SYNJ1: variants seen among roughly 807,000 people sequenced by gnomAD.
SYNJ1 encodes the protein synaptojanin 1, also known as polyphosphatidylinositol phosphatase SYNJ1.
SYNJ1 carries 78 observed loss-of-function variants against 168.2 expected under a neutral mutation model. That is an observed-to-expected ratio of 0.46 (90% CI 0.39 to 0.56). SYNJ1 has a LOEUF of 0.56. Among genes scored for constraint, SYNJ1 ranks in the 20% least tolerant of loss-of-function variants. The pLI is 0.00. For missense variants in SYNJ1, 1,303 were observed against 1,597.6 expected (o/e 0.82, Z 3.14); for synonymous variants, 539 against 548.6 (o/e 0.98, Z 0.24).
intron 29 of SYNJ1, 81 bp from the exon 30 acceptor site, chr21:32,639,860 C>G: frequency 8.4e-7 from 1 of 1,195,882 alleles, no homozygotes; most frequent in South Asian, 1.3e-5. Context: ...GCTTTTGCAT[C>G]TCATTTACTT....
At chr21:32,684,239 A>G (rs1254600550) in intron 9 of SYNJ1, 120 bp from the exon 10 acceptor site, 3 of 856,568 alleles carry the variant, frequency 3.5e-6, no homozygotes, top group Non-Finnish European at 5.5e-6. Flanking sequence ...TTATTATTAC[A>G]GTATTCAAAT....
chr21:32,662,053 G>A (rs1423661579), intron 18 of SYNJ1, among the ~76,000 whole-genome samples: 3 of 152,134 alleles, frequency 2.0e-5, no homozygotes, highest in Non-Finnish European at 2.9e-5. Flanking sequence ...CCACCCCCAC[G>A]GCTGTAAAGG....
In SYNJ1 at chr21:32,706,213, C is replaced by G. The variant is rs372065505; in HGVS notation, c.125-4166G>C. The stretch of plus-strand genomic sequence containing the variant: ...TTTTAAGGCCACAAATGTCACAGAT[C>G]GAGAAATTTTTCCATTTAAGGAGAC... On this transcript the variant is annotated intron_variant, in intron 2 of 32. Transcript: ENST00000674351. Among the ~76,000 whole-genome samples the G allele has an allele frequency of 3.8e-4, 58 of 152,124 alleles. No individual in the cohort carries two copies. In the East Asian group the frequency reaches 7.9e-3, roughly 21 times the overall value.
Position 32,687,087 on chromosome 21 carries a change from G to T in SYNJ1, c.852-13C>A. 1 of 1,371,286 alleles carries T rather than the reference G, an allele frequency of 7.3e-7. No individual in the cohort carries two copies. Among genetic ancestry groups the T allele is most frequent in the East Asian group, 2.7e-5 (1 of 37,432 alleles). The allele number at this position is 1,371,286 out of a possible 1,614,324, so 84.9% of individuals were successfully genotyped here. ...TGTTCTAAAATGCCTATTTAAGAAA[G>T]AAAGGAAATAAATACATGTCAAATA... On this transcript the variant is annotated splice_polypyrimidine_tract_variant and intron_variant, in intron 7 of 32. Coordinates refer to ENST00000674351, the MANE Select transcript of SYNJ1 (RefSeq NM_203446.3).
At chr21:32,634,608 T>A (rs2039480728) in intron 32 of SYNJ1, among the ~76,000 whole-genome samples, 1 of 152,166 alleles carries the variant, frequency 6.6e-6, no homozygotes. Context: ...AAGTTACACT[T>A]TTTAGTTTTG....
intron 31 of SYNJ1, among the ~76,000 whole-genome samples, chr21:32,636,889 T>C (rs2039591703): frequency 6.6e-6 from 1 of 152,104 alleles, no homozygotes; most frequent in African/African-American, 2.4e-5. Flanking sequence ...GAAACAAATA[T>C]CTTTGTCTTT....
At chr21:32,698,927 T>C (rs1198637583) in intron 4 of SYNJ1, among the ~76,000 whole-genome samples, 19 of 152,338 alleles carry the variant, frequency 1.2e-4, no homozygotes, top group South Asian at 6.2e-4. Context: ...CACAGTTTTG[T>C]TACAATTAAA....
At chr21:32,663,561 A>G (rs910041451) in intron 18 of SYNJ1, among the ~76,000 whole-genome samples, 3 of 152,172 alleles carry the variant, frequency 2.0e-5, no homozygotes, top group African/African-American at 4.8e-5. Flanking sequence ...CTTTCTTCCT[A>G]CTGCCCATAA....
Position 32,631,207 on chromosome 21 carries a change from G to T in SYNJ1, c.*598C>A, listed in dbSNP as rs770865984. On this transcript the variant is annotated 3_prime_UTR_variant, in exon 33 of 33. Coordinates refer to ENST00000674351, the MANE Select transcript of SYNJ1 (RefSeq NM_203446.3). ...GAAAATGAACTTGGCTGATTACCCA[G>T]TAAGTCTGAACAAGCTGACTTTGAC... 9.0e-5 allele frequency: 146 copies of T among 1,614,072 alleles called. No individual in the cohort carries two copies. Among genetic ancestry groups the T allele is most frequent in the Non-Finnish European group, 1.2e-4 (140 of 1,180,040 alleles).
At position 32,644,973 on chromosome 21, in the gene SYNJ1, A is replaced by G. The variant is rs2039997339; in HGVS notation, c.3425T>C (p.Phe1142Ser). The G allele has an allele frequency of 6.2e-7, 1 of 1,607,664 alleles. No individual in the cohort carries two copies. The highest frequency in any genetic ancestry group is 2.3e-5 in the East Asian group (1 of 44,432). ...ARSPAPTRKE[F>S]GGIGAPPSPG... The stretch of plus-strand genomic sequence containing the variant: ...TAACAAATGTAAATGGTTACCTCCA[A>G]ATTCCTTTCTAGTGGGTGCAGGACT... The change falls in exon 26 of 33, where the codon TTT (phenylalanine) becomes TCT (serine). Residue 1142 changes from phenylalanine (F) to serine (S), a missense_variant. Physicochemically the swap from Phe to Ser is radical, Grantham distance 155 (BLOSUM62 -2). Around this residue, in one of 2 missense-constraint regions of SYNJ1, gnomAD observed 383 missense variants for 388.8 expected, o/e 0.99. Transcript: ENST00000674351.
chr21:32,659,484 G>A (rs756232283), intron 18 of SYNJ1, among the ~76,000 whole-genome samples: 4 of 152,100 alleles, frequency 2.6e-5, no homozygotes, highest in African/African-American at 4.8e-5. Context: ...CCAGCACTGC[G>A]CCCTGGGCCT....
At chr21:32,682,615 G>A (rs1405734927) in intron 10 of SYNJ1, among the ~76,000 whole-genome samples, 1 of 152,056 alleles carries the variant, frequency 6.6e-6, no homozygotes, top group Non-Finnish European at 1.5e-5. Flanking sequence ...AAGGAACTGG[G>A]CAAAACTGAT....
rs200017303 is a variant in SYNJ1, at chr21:32,697,498, TAA to T, written c.480-2218_480-2217del. 4.6e-3 allele frequency among the ~76,000 whole-genome samples: 657 copies of T among 143,586 alleles called. 2 individuals are homozygous for T. The highest frequency in any genetic ancestry group is 0.012 in the African/African-American group (462 of 39,300). The allele number at this position is 143,586 out of a possible 152,430, so 94.2% of individuals were successfully genotyped here. A position where few individuals can be genotyped will look rare whatever the true frequency, so the allele number is the denominator to read the frequency against. ...CCCCCATCTCTACTCTTAAGTGAATTAAAAAAAAAAAAAAAGGAGGCCAAGTA... is the reference window on the plus strand; with the variant it reads ...CCCCCATCTCTACTCTTAAGTGAATTAAAAAAAAAAAAAGGAGGCCAAGTA... On this transcript the variant is annotated intron_variant, in intron 4 of 32. Transcript: ENST00000674351.
In SYNJ1 at chr21:32,639,083, A is replaced by C. The variant is rs1159005043; in HGVS notation, c.3740T>G (p.Phe1247Cys). 6.2e-7 allele frequency: 1 copy of C among 1,614,030 alleles called. No homozygotes were observed. The highest frequency in any genetic ancestry group is 1.7e-5 in the Admixed American group (1 of 60,022). ...LPEPLKPQAA[F>C]PPQSSLPPPA... ...CGGGGGCAAAGAAGACTGCGGAGGA[A>C]AAGCAGCCTGAGGCTTCAGTGGTTC... is the stretch of plus-strand genomic sequence containing the variant. The change falls in exon 31 of 33, where the codon TTT becomes TGT. Residue 1247 changes from phenylalanine to cysteine, a missense_variant. Physicochemically the swap from Phe to Cys is radical, Grantham distance 205 (BLOSUM62 -2). Transcript: ENST00000674351.
intron 27 of SYNJ1, among the ~76,000 whole-genome samples, chr21:32,642,496 T>A (rs1250750940): frequency 6.6e-6 from 1 of 152,168 alleles, no homozygotes; most frequent in Non-Finnish European, 1.5e-5. Flanking sequence ...TGCTGCCCCT[T>A]AGAGTCTGGC....
rs2040863953 is a variant in SYNJ1, at chr21:32,664,917, C to T, written c.2300G>A (p.Gly767Glu). Residue 767 changes from glycine (G) to glutamate (E), a missense_variant, in exon 18 of 33, where the codon GGA becomes GAA. Transcript: ENST00000674351. The stretch of plus-strand genomic sequence containing the variant: ...TTTTCTCAAGTATAGATATACCTGT[C>T]CAGCATTTTTCTGATTGATAAGTTG... ...GDQLINQKNA[G>E]QVFRGFLEGK... The T allele has an allele frequency of 1.2e-6, 2 of 1,607,120 alleles. No homozygotes were observed. Among genetic ancestry groups the T allele is most frequent in the Non-Finnish European group, 1.7e-6 (2 of 1,175,650 alleles).
chr21:32,635,535 T>C (rs2039528640), intron 31 of SYNJ1, among the ~76,000 whole-genome samples: 1 of 152,124 alleles, frequency 6.6e-6, no homozygotes, highest in African/African-American at 2.4e-5. Context: ...AGAAAATAAA[T>C]TTCTGTTGTG....
intron 14 of SYNJ1, among the ~76,000 whole-genome samples, chr21:32,672,059 CAAAAAAAAAAAA>C (rs1160074724): frequency 4.1e-5 from 1 of 24,664 alleles, no homozygotes; most frequent in Non-Finnish European, 7.2e-5. Flanking sequence ...AACTCAATCT[CAAAAAAAAAAAA>C]AAAAAAAAAA....
rs2145858963 is a variant in SYNJ1 at position 32,657,872 on chromosome 21, C to T, written c.2305G>A (p.Val769Ile). The T allele has an allele frequency of 3.7e-6, 6 of 1,608,036 alleles. No homozygotes were observed. Among genetic ancestry groups the T allele is most frequent in the Non-Finnish European group, 5.1e-6 (6 of 1,177,782 alleles). ...TTTCCTTCTAAAAATCCTCTAAAAA[C>T]CTAAAATAAACATATACAAAGTAAG... The part of the protein sequence containing the change: ...QLINQKNAGQ[V>I]FRGFLEGKVT... Residue 769 changes from valine to isoleucine, a missense_variant and splice_region_variant, in exon 19 of 33, where the codon GTT (valine) becomes ATT (isoleucine). This residue lies in a region of SYNJ1 where 920 missense variants were observed against 1,208.8 expected (regional missense o/e 0.76). Transcript: ENST00000674351.
Sources: gnomAD v4.1 joint callset for allele counts (sites outside exome capture counted in the v4.1 genomes callset) on GRCh38, gnomAD v4.1.1 for gene constraint, gnomAD v4.1.1 regional missense constraint, MANE v1.5 for transcripts, NCBI Gene and HGNC (gene_info 2026-07-23, HGNC 2026-07-21) for gene names.